Variants in APOL1 observed in about 807,000 individuals in gnomAD.
The protein encoded by APOL1 is apolipoprotein L 1.
A neutral mutation model predicts 14.9 loss-of-function variants in APOL1; 17 were observed. The observed-to-expected ratio is 1.14, with a 90% CI of 0.78 to 1.71. The LOEUF (loss-of-function observed/expected upper bound fraction) is 1.71. Among genes scored for constraint, APOL1 ranks in the 40% most tolerant of loss-of-function variants. The pLI is 0.00. For missense variants in APOL1, 523 were observed against 485.9 expected, an observed-to-expected ratio of 1.08 and a Z score of -0.72; for synonymous variants, 195 against 184.8, an observed-to-expected ratio of 1.05 and a Z score of -0.45.
chr22:36,262,639 G>A (rs1016431667), intron 5 of APOL1, among the ~76,000 whole-genome samples: 1 of 152,162 alleles, frequency 6.6e-6, no homozygotes, highest in Admixed American at 6.5e-5. Flanking sequence ...GGCACCAAGG[G>A]CTTGAAACTT....
chr22:36,264,379 A>G (rs972933883), intron 5 of APOL1, among the ~76,000 whole-genome samples: 9 of 152,194 alleles, frequency 5.9e-5, no homozygotes, highest in African/African-American at 2.2e-4. Flanking sequence ...AGGACATTCC[A>G]GGGGCCTGGA....
rs1300964795 is a variant in APOL1 at position 36,257,111 on chromosome 22, G to A, written c.73G>A (p.Val25Met). Residue 25 changes from valine to methionine, a missense_variant, in exon 3 of 6, where the codon GTG becomes ATG. Coordinates refer to ENST00000397278, the MANE Select transcript of APOL1 (RefSeq NM_003661.4). Reference sequence around the variant, plus strand: ...GAGTGCACTTTTCCTTGGTGTGGGAGTGAGGGCAGAGGAAGCTGGAGCGAG... The same window carrying A: ...GAGTGCACTTTTCCTTGGTGTGGGAATGAGGGCAGAGGAAGCTGGAGCGAG... ...WMSALFLGVG[V>M]RAEEAGARVQ... is the part of the protein sequence containing the mutation. 3 of 1,614,070 alleles carry A rather than the reference G, an allele frequency of 1.9e-6. No individual in the cohort carries two copies. The Admixed American group carries it at 5.0e-5, about 27-fold the overall frequency.
intron 2 of APOL1, 152 bp from the exon 3 acceptor site, chr22:36,256,931 C>T: frequency 1.4e-6 from 1 of 727,360 alleles, no homozygotes; most frequent in Non-Finnish European, 2.3e-6. Flanking sequence ...TACACACTGG[C>T]TATCACCAGC....
In APOL1 at chr22:36,265,513, G is replaced by T; in HGVS notation, c.677G>T (p.Ser226Ile). The change falls in exon 6 of 6, where the codon AGT becomes ATT. Residue 226 changes from serine (S) to isoleucine (I), a missense_variant. Transcript: ENST00000397278. Reference sequence around the variant, plus strand: ...GCCGCTTTGACCGGGATTACCAGCAGTACCATGGACTACGGAAAGAAGTGG... The same window carrying T: ...GCCGCTTTGACCGGGATTACCAGCATTACCATGGACTACGGAAAGAAGTGG... ...ITAALTGITS[S>I]TMDYGKKWWT... The T allele has an allele frequency of 6.2e-7, 1 of 1,612,908 alleles. No individual in the cohort carries two copies. The highest frequency in any genetic ancestry group is 8.5e-7 in the Non-Finnish European group (1 of 1,179,530).
intron 4 of APOL1, among the ~76,000 whole-genome samples, chr22:36,259,317 C>T (rs1414783872): frequency 6.6e-6 from 1 of 152,190 alleles, no homozygotes; most frequent in Non-Finnish European, 1.5e-5. Context: ...CCAGAGGTTC[C>T]TTCCATCCAA....
At chr22:36,256,956 G>A in intron 2 of APOL1, 127 bp from the exon 3 acceptor site, 1 of 950,820 alleles carries the variant, frequency 1.1e-6, no homozygotes, top group Non-Finnish European at 1.6e-6. Flanking sequence ...TATCACACAT[G>A]CTCCCAGGCC....
intron 5 of APOL1, among the ~76,000 whole-genome samples, chr22:36,263,856 A>G (rs936276320): frequency 2.6e-5 from 4 of 152,316 alleles, no homozygotes; most frequent in Admixed American, 1.3e-4. Context: ...GATAGGAGAC[A>G]CCAGAGTGGG....
chr22:36,267,269 A>C lies in APOL1; in HGVS notation c.*1236A>C, dbSNP rs1142540. The C allele has an allele frequency of 5.3e-5, 8 of 152,152 alleles. No homozygotes were observed. Among genetic ancestry groups the C allele is most frequent in the African/African-American group, 1.2e-4 (5 of 41,404 alleles). The allele number at this position is 152,152 out of a possible 1,614,324, so 9.4% of individuals were successfully genotyped here. ...AAGGGTGCATGTCCCCTGCTTGAAC[A>C]CTGAAGGGCAGGTGGTGGGCCATGG... On this transcript the variant is annotated 3_prime_UTR_variant, in exon 6 of 6. Coordinates refer to ENST00000397278, the MANE Select transcript of APOL1 (RefSeq NM_003661.4).
chr22:36,254,522 G>A (rs2015793576), intron 1 of APOL1, among the ~76,000 whole-genome samples: 1 of 152,174 alleles, frequency 6.6e-6, no homozygotes, highest in East Asian at 1.9e-4. Context: ...AGCTAGGATG[G>A]TGTCAAAGCC....
In APOL1 at chr22:36,266,632, GTA is replaced by G; in HGVS notation, c.*600_*601del. On this transcript the variant is annotated 3_prime_UTR_variant, in exon 6 of 6. Transcript: ENST00000397278. ...TAAAGAATATATTGGGGGGCCGGGT[GTA>G]GTGGCTCATGCCTGTAATCCGAGCA... is the stretch of plus-strand genomic sequence containing the variant. 5.0e-6 allele frequency: 2 copies of G among 396,814 alleles called. No individual in the cohort carries two copies. The highest frequency in any genetic ancestry group is 4.4e-6 in the Non-Finnish European group (1 of 224,922). 24.6% of individuals were successfully genotyped at this position (396,814 alleles called of 1,614,324 possible).
intron 5 of APOL1, among the ~76,000 whole-genome samples, chr22:36,262,111 T>G (rs1430024102): frequency 6.7e-6 from 1 of 150,150 alleles, no homozygotes; most frequent in Non-Finnish European, 1.5e-5. Flanking sequence ...TCTTACAAGC[T>G]TGGTGGAAAC....
chr22:36,256,446 C>T (rs537566511), intron 2 of APOL1, among the ~76,000 whole-genome samples: 1 of 152,350 alleles, frequency 6.6e-6, no homozygotes, highest in African/African-American at 2.4e-5. Flanking sequence ...GAATTAGAAA[C>T]ACCCTGAGGT....
At chr22:36,257,189 T>C (rs891896620) in intron 3 of APOL1, 53 bp downstream of exon 3, 2 of 1,612,244 alleles carry the variant, frequency 1.2e-6, no homozygotes, top group Non-Finnish European at 1.7e-6. Context: ...ACAAACAATC[T>C]GGTTTAGGTT....
At chr22:36,258,415 A>C (rs1370478622) in intron 4 of APOL1, among the ~76,000 whole-genome samples, 2 of 152,242 alleles carry the variant, frequency 1.3e-5, no homozygotes, top group Admixed American at 1.3e-4. Context: ...AAACTGCAGT[A>C]AGGACATTAT....
intron 5 of APOL1, among the ~76,000 whole-genome samples, chr22:36,263,525 G>A (rs136165): frequency 0.85 from 129,751 of 152,236 alleles, 55,683 homozygotes; most frequent in African/African-American, 0.95. Context: ...TTGATCACAC[G>A]GAAAGAACAC....
chr22:36,259,940 A>C, intron 4 of APOL1: 1 of 1,260,152 alleles, frequency 7.9e-7, no homozygotes, highest in Non-Finnish European at 1.0e-6. Flanking sequence ...GGGAGAATGC[A>C]GAGACCACAG....
chr22:36,258,038 T>C (rs2015949270), intron 4 of APOL1, among the ~76,000 whole-genome samples: 1 of 152,210 alleles, frequency 6.6e-6, no homozygotes, highest in African/African-American at 2.4e-5. Flanking sequence ...GGATCAAATA[T>C]AACACGGCTA....
Position 36,266,081 on chromosome 22 carries a change from G to C in APOL1, c.*48G>C. The C allele has an allele frequency of 6.5e-7, 1 of 1,529,170 alleles. No individual in the cohort carries two copies. 94.7% of individuals were successfully genotyped at this position (1,529,170 alleles called of 1,614,324 possible). On this transcript the variant is annotated 3_prime_UTR_variant, in exon 6 of 6. Transcript: ENST00000397278. ...GGAGAGATATGCCTGGCAGGGGCCA[G>C]GACAAAATGCAAACTTTTTTTTTTT...
rs910633102 is a variant in APOL1 at position 36,266,243 on chromosome 22, A to G, written c.*210A>G. 5.8e-6 allele frequency: 3 copies of G among 513,820 alleles called. No individual in the cohort carries two copies. The highest frequency in any genetic ancestry group is 1.0e-5 in the Non-Finnish European group (3 of 294,920). 31.8% of individuals were successfully genotyped at this position (513,820 alleles called of 1,614,324 possible). The stretch of plus-strand genomic sequence containing the variant: ...GTAGCTGGGACTACAGGCGCCTACC[A>G]CCATGCCCAGCTAATTTTTGTATTT... On this transcript the variant is annotated 3_prime_UTR_variant, in exon 6 of 6. Coordinates refer to ENST00000397278, the MANE Select transcript of APOL1 (RefSeq NM_003661.4).
Sources: allele counts gnomAD v4.1 joint callset (sites outside exome capture counted in the v4.1 genomes callset), GRCh38; gene constraint gnomAD v4.1.1; transcripts MANE v1.5; gene names NCBI Gene and HGNC (gene_info 2026-07-23, HGNC 2026-07-21).